The following ATP6V0A1 variants were observed in gnomAD, a reference collection of about 807,000 sequenced individuals.
The protein encoded by ATP6V0A1 is ATPase H+ transporting V0 subunit a1, also known as V-type proton ATPase 116 kDa subunit a 1.
ATP6V0A1 carries 43 observed loss-of-function variants against 105.4 expected under a neutral mutation model. The ratio of observed to expected loss-of-function variants is 0.41; its 90% CI spans 0.32 to 0.53. ATP6V0A1 has a LOEUF of 0.53. Among genes scored for constraint, ATP6V0A1 ranks in the 20% least tolerant of loss-of-function variants. ATP6V0A1 has a pLI of 0.30. For missense variants in ATP6V0A1, 676 were observed against 1,051.1 expected, an observed-to-expected ratio of 0.64 and a Z score of 4.93; for synonymous variants, 362 against 372.8, an observed-to-expected ratio of 0.97 and a Z score of 0.33.
chr17:42,512,585 G>A (rs1246032739), intron 19 of ATP6V0A1, among the ~76,000 whole-genome samples: 1 of 152,182 alleles, frequency 6.6e-6, no homozygotes, highest in African/African-American at 2.4e-5. Context: ...CCAGAAATAG[G>A]CTAGGTGTCG....
intron 2 of ATP6V0A1, among the ~76,000 whole-genome samples, chr17:42,463,764 A>C (rs1183895523): frequency 6.6e-6 from 1 of 152,156 alleles, no homozygotes; most frequent in Non-Finnish European, 1.5e-5. Context: ...GACTCCTCCA[A>C]AACTTAACTA....
At chr17:42,467,504 A>T (rs2087249462) in intron 3 of ATP6V0A1, among the ~76,000 whole-genome samples, 1 of 152,162 alleles carries the variant, frequency 6.6e-6, no homozygotes, top group South Asian at 2.1e-4. Flanking sequence ...TGTCCTTATT[A>T]CCTGTTCTGC....
chr17:42,514,996 C>T (rs562284633), intron 21 of ATP6V0A1, among the ~76,000 whole-genome samples: 1 of 152,152 alleles, frequency 6.6e-6, no homozygotes, highest in Non-Finnish European at 1.5e-5. Context: ...GGTACACTCA[C>T]GCAGCTTCTT....
At chr17:42,502,496 GCACACACACA>G (rs368754662) in intron 17 of ATP6V0A1, among the ~76,000 whole-genome samples, 1 of 150,220 alleles carries the variant, frequency 6.7e-6, no homozygotes, top group Non-Finnish European at 1.5e-5. Context: ...TTCTGCGCGC[GCACACACACA>G]CACACACACA....
intron 3 of ATP6V0A1, among the ~76,000 whole-genome samples, chr17:42,467,456 A>C (rs1385036112): frequency 1.3e-5 from 2 of 152,162 alleles, no homozygotes; most frequent in Non-Finnish European, 2.9e-5. Flanking sequence ...AAACAGTTGT[A>C]GTTGTTACCT....
At chr17:42,471,708 TG>T (rs2087975634) in intron 5 of ATP6V0A1, among the ~76,000 whole-genome samples, 1 of 151,880 alleles carries the variant, frequency 6.6e-6, no homozygotes. Context: ...TACTCCAGCC[TG>T]GGGGACAGAG....
chr17:42,474,086 G>A (rs1010251289), intron 5 of ATP6V0A1, among the ~76,000 whole-genome samples: 8 of 151,000 alleles, frequency 5.3e-5, no homozygotes, highest in Admixed American at 3.3e-4. Context: ...CACTGCAACT[G>A]CCGCCTCCCG....
At chr17:42,462,044 C>CAAAAAAA (rs1040242459) in intron 2 of ATP6V0A1, among the ~76,000 whole-genome samples, 1 of 52,904 alleles carries the variant, frequency 1.9e-5, no homozygotes, top group Non-Finnish European at 3.8e-5. Context: ...CCGTCTCTGC[C>CAAAAAAA]AAAAAAAAAA....
rs367628656 is a variant in ATP6V0A1 at position 42,495,172 on chromosome 17, T to C, written c.1453T>C (p.Phe485Leu). 1 of 1,614,050 alleles carries C rather than the reference T, an allele frequency of 6.2e-7. No homozygotes were observed. Among genetic ancestry groups the C allele is most frequent in the Non-Finnish European group, 8.5e-7 (1 of 1,179,964 alleles). ...FGSSWSVRPM[F>L]TYNWTEETLR... is the part of the protein sequence containing the mutation. ...GTCATCCTGGAGTGTACGGCCGATG[T>C]TTACTTATAATTGGACGTAAGTTGC... Residue 485 changes from phenylalanine (F) to leucine (L), a missense_variant, in exon 13 of 22, where the codon TTT becomes CTT. Around this residue, in one of 3 missense-constraint regions of ATP6V0A1, gnomAD observed 435 missense variants for 642.2 expected, o/e 0.68. Coordinates refer to ENST00000343619, the MANE Select transcript of ATP6V0A1 (RefSeq NM_001130021.3).
intron 2 of ATP6V0A1, among the ~76,000 whole-genome samples, chr17:42,465,729 C>T (rs1232221591): frequency 1.3e-5 from 2 of 151,312 alleles, no homozygotes; most frequent in African/African-American, 2.4e-5. Flanking sequence ...TTTGGGAGGC[C>T]GAGGTGGGTG....
At chr17:42,463,560 A>G (rs2086691066) in intron 2 of ATP6V0A1, among the ~76,000 whole-genome samples, 1 of 152,214 alleles carries the variant, frequency 6.6e-6, no homozygotes, top group South Asian at 2.1e-4. Flanking sequence ...ATTACACCAC[A>G]GTGTTTTCAT....
intron 5 of ATP6V0A1, among the ~76,000 whole-genome samples, chr17:42,471,908 T>C (rs2088009096): frequency 6.6e-6 from 1 of 152,172 alleles, no homozygotes; most frequent in Admixed American, 6.6e-5. Flanking sequence ...AACTGTCTTC[T>C]TGACAGGTGT....
intron 21 of ATP6V0A1, chr17:42,520,538 A>G (rs1454139463): frequency 1.1e-5 from 5 of 456,558 alleles, no homozygotes; most frequent in Middle Eastern, 6.5e-4. Context: ...TTTCCTTGGA[A>G]TTTCCTTCCT....
At position 42,508,556 on chromosome 17, in the gene ATP6V0A1, A is replaced by G; in HGVS notation, c.2113-16A>G. The G allele has an allele frequency of 3.7e-6, 6 of 1,613,858 alleles. No individual in the cohort carries two copies. Among genetic ancestry groups the G allele is most frequent in the Non-Finnish European group, 5.1e-6 (6 of 1,179,870 alleles). On this transcript the variant is annotated splice_polypyrimidine_tract_variant and intron_variant, in intron 18 of 21. Coordinates refer to ENST00000343619, the MANE Select transcript of ATP6V0A1 (RefSeq NM_001130021.3). ...GTGGCGTGGCTCCCCACTAAGTGTAAATTTGTGTTTTCAAGCCTTCCGAGG... is the reference window on the plus strand; with the variant it reads ...GTGGCGTGGCTCCCCACTAAGTGTAGATTTGTGTTTTCAAGCCTTCCGAGG...
At position 42,480,722 on chromosome 17, in the gene ATP6V0A1, A is replaced by G. The variant is rs1328327614; in HGVS notation, c.689A>G (p.Lys230Arg). 1 of 1,613,996 alleles carries G rather than the reference A, an allele frequency of 6.2e-7. No homozygotes were observed. The highest frequency in any genetic ancestry group is 8.5e-7 in the Non-Finnish European group (1 of 1,179,930). The change falls in exon 8 of 22, where the codon AAA (lysine) becomes AGA (arginine). Residue 230 changes from lysine to arginine, a missense_variant. By Grantham distance (26) the Lys-to-Arg change is conservative (BLOSUM62 2). This residue lies in a region of ATP6V0A1 where 239 missense variants were observed against 388.4 expected (regional missense o/e 0.62). Coordinates refer to ENST00000343619, the MANE Select transcript of ATP6V0A1 (RefSeq NM_001130021.3). ...ATTTTCTTCCAAGGCGATCAGCTGA[A>G]AAACAGAGTCAAGAAAATCTGTGAA... ...FIIFFQGDQL[K>R]NRVKKICEGF...
chr17:42,486,429 A>G (rs1048578404), intron 9 of ATP6V0A1, among the ~76,000 whole-genome samples: 2 of 151,978 alleles, frequency 1.3e-5, no homozygotes, highest in African/African-American at 4.8e-5. Flanking sequence ...AAAATTAAAT[A>G]TTTGGTATTA....
At chr17:42,467,192 G>T (rs888399323) in intron 3 of ATP6V0A1, among the ~76,000 whole-genome samples, 1 of 151,210 alleles carries the variant, frequency 6.6e-6, no homozygotes, top group Non-Finnish European at 1.5e-5. Context: ...AAGTTCTCTT[G>T]AGGGCTAGGT....
intron 19 of ATP6V0A1, among the ~76,000 whole-genome samples, chr17:42,509,026 C>G (rs1182059723): frequency 6.6e-6 from 1 of 151,718 alleles, no homozygotes; most frequent in Non-Finnish European, 1.5e-5. Context: ...CCCTTCCTCC[C>G]TGTCTGAGCC....
intron 3 of ATP6V0A1, 27 bp from the exon 4 acceptor site, chr17:42,467,983 A>G (rs745568508): frequency 7.2e-6 from 11 of 1,526,398 alleles, no homozygotes; most frequent in South Asian, 1.2e-5. Context: ...GCAGTTAGAC[A>G]TGAATGTTTT....
Sources: allele counts gnomAD v4.1 joint callset (sites outside exome capture counted in the v4.1 genomes callset), GRCh38; gene constraint gnomAD v4.1.1; regional missense constraint gnomAD v4.1.1; transcripts MANE v1.5; gene names NCBI Gene and HGNC (gene_info 2026-07-23, HGNC 2026-07-21).